NIBAN1: variants seen among roughly 807,000 people sequenced by gnomAD.
NIBAN1 encodes protein Niban 1.
A neutral mutation model predicts 75.1 loss-of-function variants in NIBAN1; 81 were observed. The ratio of observed to expected loss-of-function variants is 1.08; its 90% CI spans 0.90 to 1.30. The LOEUF (loss-of-function observed/expected upper bound fraction) is 1.30. Ranked by LOEUF, NIBAN1 falls within the 50% of genes most tolerant of loss-of-function variation. The pLI is 0.00. For missense variants in NIBAN1, 1,133 were observed against 1,128.1 expected, an observed-to-expected ratio of 1.00 and a Z score of -0.06; for synonymous variants, 436 against 424.8, an observed-to-expected ratio of 1.03 and a Z score of -0.32.
chr1:184,972,262 C>T (rs531806453), intron 1 of NIBAN1, among the ~76,000 whole-genome samples: 33 of 152,306 alleles, frequency 2.2e-4, no homozygotes, highest in African/African-American at 7.7e-4. Context: ...TACTGTCATA[C>T]TTCCAATCGT....
intron 1 of NIBAN1, among the ~76,000 whole-genome samples, chr1:184,917,871 A>G (rs995281824): frequency 6.6e-6 from 1 of 152,096 alleles, no homozygotes. Flanking sequence ...ACCCTTAACC[A>G]TCAAACCTCT....
chr1:184,845,137 T>C (rs560500215), intron 5 of NIBAN1, among the ~76,000 whole-genome samples: 1 of 152,322 alleles, frequency 6.6e-6, no homozygotes, highest in African/African-American at 2.4e-5. Context: ...AGGAAAGCAT[T>C]TTCCCATTGG....
chr1:184,961,212 GCGCCTGCCGCCA>G (rs1282934473), intron 1 of NIBAN1, among the ~76,000 whole-genome samples: 2 of 151,604 alleles, frequency 1.3e-5, no homozygotes, highest in African/African-American at 2.4e-5. Context: ...GGGACTACAG[GCGCCTGCCGCCA>G]CGCCTGGCTA....
intron 11 of NIBAN1, 97 bp downstream of exon 11, chr1:184,805,849 T>C (rs1341074203): frequency 5.4e-6 from 5 of 918,406 alleles, no homozygotes; most frequent in Non-Finnish European, 6.9e-6. Context: ...GGGGAAAGAT[T>C]AGAGCCAAGG....
chr1:184,817,371 C>A (rs965898788), intron 9 of NIBAN1, among the ~76,000 whole-genome samples: 1 of 152,150 alleles, frequency 6.6e-6, no homozygotes, highest in Admixed American at 6.5e-5. Context: ...GATTTATAAT[C>A]CTTTGGGTAT....
chr1:184,791,244 C>A lies in NIBAN1; in HGVS notation c.*3733G>T, dbSNP rs559301695. On this transcript the variant is annotated 3_prime_UTR_variant, in exon 14 of 14. Transcript: ENST00000367511. ...AGGCACATGTTGCCAACTGTTGCAC[C>A]GACTGATACTATTATTAAGTCAATG... 3.4e-6 allele frequency: 1 copy of A among 290,252 alleles called. No homozygotes were observed. Among genetic ancestry groups the A allele is most frequent in the Non-Finnish European group, 6.9e-6 (1 of 145,734 alleles). The allele number at this position is 290,252 out of a possible 1,614,324, so 18.0% of individuals were successfully genotyped here. A position where few individuals can be genotyped will look rare whatever the true frequency, so the allele number is the denominator to read the frequency against.
At chr1:184,887,046 G>T (rs111585243) in intron 4 of NIBAN1, among the ~76,000 whole-genome samples, 1 of 152,062 alleles carries the variant, frequency 6.6e-6, no homozygotes, top group Non-Finnish European at 1.5e-5. Flanking sequence ...ACTTGAACCC[G>T]GGAGGCAGAG....
At chr1:184,842,658 C>A (rs1467834448) in intron 5 of NIBAN1, among the ~76,000 whole-genome samples, 1 of 151,108 alleles carries the variant, frequency 6.6e-6, no homozygotes, top group African/African-American at 2.4e-5. Context: ...GAAGCTGAGG[C>A]AGGAGAATCA....
At chr1:184,934,203 C>T (rs896876296) in intron 1 of NIBAN1, among the ~76,000 whole-genome samples, 4 of 152,014 alleles carry the variant, frequency 2.6e-5, no homozygotes, top group Non-Finnish European at 5.9e-5. Flanking sequence ...TTATCCTAAG[C>T]GAATTAATGC....
chr1:184,888,567 AT>A (rs1300882678), intron 4 of NIBAN1, among the ~76,000 whole-genome samples: 1 of 152,204 alleles, frequency 6.6e-6, no homozygotes, highest in Non-Finnish European at 1.5e-5. Context: ...AGAATATTCT[AT>A]TTTAAAAGTC....
intron 8 of NIBAN1, among the ~76,000 whole-genome samples, chr1:184,819,055 T>C (rs1242010232): frequency 6.6e-6 from 1 of 152,124 alleles, no homozygotes; most frequent in Admixed American, 6.5e-5. Context: ...CAAGCTTTCC[T>C]CTGCCCTGGG....
At chr1:184,893,063 C>A (rs1454564392) in intron 3 of NIBAN1, among the ~76,000 whole-genome samples, 1 of 152,162 alleles carries the variant, frequency 6.6e-6, no homozygotes, top group Non-Finnish European at 1.5e-5. Context: ...TGAGCTACTG[C>A]ACCTCGCCAT....
intron 1 of NIBAN1, among the ~76,000 whole-genome samples, chr1:184,954,293 T>C (rs935897707): frequency 8.5e-5 from 13 of 152,178 alleles, no homozygotes; most frequent in African/African-American, 3.1e-4. Flanking sequence ...ATGAAACTCA[T>C]CTGTTATTTC....
At chr1:184,852,017 T>A (rs1655553707) in intron 5 of NIBAN1, among the ~76,000 whole-genome samples, 1 of 152,018 alleles carries the variant, frequency 6.6e-6, no homozygotes, top group South Asian at 2.1e-4. Context: ...ATCCAAGGTG[T>A]TTGTAAAGAA....
chr1:184,836,227 A>C (rs1253726512), intron 5 of NIBAN1, among the ~76,000 whole-genome samples: 1 of 152,296 alleles, frequency 6.6e-6, no homozygotes, highest in Admixed American at 6.5e-5. Flanking sequence ...GGAAACTGTA[A>C]TTATTACATT....
At position 184,792,938 on chromosome 1, in the gene NIBAN1, A is replaced by G. The variant is rs1163218243; in HGVS notation, c.*2039T>C. 6.6e-6 allele frequency: 1 copy of G among 152,256 alleles called. No homozygotes were observed. The highest frequency in any genetic ancestry group is 2.4e-5 in the African/African-American group (1 of 41,458). 9.4% of individuals were successfully genotyped at this position (152,256 alleles called of 1,614,324 possible). The stretch of plus-strand genomic sequence containing the variant: ...ATTTCAACACACCATGCTAAATGCC[A>G]GGATATGAGTGAGCACTGCAGAAAG... On this transcript the variant is annotated 3_prime_UTR_variant, in exon 14 of 14. Coordinates refer to ENST00000367511, the MANE Select transcript of NIBAN1 (RefSeq NM_052966.4).
At chr1:184,823,510 G>A (rs1654759793) in intron 7 of NIBAN1, 128 bp downstream of exon 7, 1 of 1,242,672 alleles carries the variant, frequency 8.0e-7, no homozygotes, top group East Asian at 2.4e-5. Context: ...AGACTCAGCA[G>A]GTTCGAAGTA....
intron 1 of NIBAN1, among the ~76,000 whole-genome samples, chr1:184,958,097 T>C (rs991099589): frequency 6.6e-6 from 1 of 152,166 alleles, no homozygotes; most frequent in African/African-American, 2.4e-5. Context: ...CCTGGCACAG[T>C]GACTCACGCC....
At chr1:184,814,035 A>C (rs1654457975) in intron 9 of NIBAN1, among the ~76,000 whole-genome samples, 1 of 152,216 alleles carries the variant, frequency 6.6e-6, no homozygotes, top group Non-Finnish European at 1.5e-5. Flanking sequence ...TTTTTGTAAG[A>C]GATTATAAGA....
Sources: allele counts gnomAD v4.1 joint callset (sites outside exome capture counted in the v4.1 genomes callset), GRCh38; gene constraint gnomAD v4.1.1; transcripts MANE v1.5; gene names NCBI Gene and HGNC (gene_info 2026-07-23, HGNC 2026-07-21).